STAT5A: variants seen among roughly 807,000 people sequenced by gnomAD.
STAT5A encodes epididymis secretory sperm binding protein.
STAT5A carries 26 observed loss-of-function variants against 100.2 expected under a neutral mutation model. That is an observed-to-expected ratio of 0.26 (90% CI 0.19 to 0.36). The LOEUF (loss-of-function observed/expected upper bound fraction) is 0.36, where lower values mean the gene tolerates loss of function less well. STAT5A is among the 10% of genes least tolerant of loss of function. STAT5A has a pLI of 1.00. For synonymous variants in STAT5A, 330 were observed against 424.3 expected (o/e 0.78, Z 2.73); for missense variants, 634 against 1,027.5 (o/e 0.62, Z 5.24).
In STAT5A at chr17:42,300,703, G is replaced by T; in HGVS notation, c.834-12G>T. 1 of 1,613,766 alleles carries T rather than the reference G, an allele frequency of 6.2e-7. No homozygotes were observed. The highest frequency in any genetic ancestry group is 8.5e-7 in the Non-Finnish European group (1 of 1,179,826). On this transcript the variant is annotated splice_polypyrimidine_tract_variant and intron_variant, in intron 7 of 18. Transcript: ENST00000590949. ...CCATTGTCCTCCTGTTGGCCTTGGG[G>T]CTCTCGTGCAGGTGTGAGAAGTTGG...
intron 2 of STAT5A, 33 bp from the exon 3 acceptor site, chr17:42,289,833 A>G: frequency 6.7e-7 from 1 of 1,484,224 alleles, no homozygotes; most frequent in Non-Finnish European, 9.0e-7. Context: ...AGGAGGTGCC[A>G]CAGTAGGTTT....
At position 42,308,347 on chromosome 17, in the gene STAT5A, C is replaced by T; in HGVS notation, c.2062+14C>T. The T allele has an allele frequency of 6.2e-7, 1 of 1,614,092 alleles. No individual in the cohort carries two copies. Among genetic ancestry groups the T allele is most frequent in the Non-Finnish European group, 8.5e-7 (1 of 1,180,002 alleles). On this transcript the variant is annotated intron_variant, in intron 16 of 18. Transcript: ENST00000590949. The surrounding 1 kb of genome is among the most constrained non-coding windows in gnomAD (Gnocchi z 4.6). ...CTCCTGTGCTGGGTGGGTACTGCCC[C>T]AGGACCCTGCCGGCTGACTCCCCCG...
In STAT5A at chr17:42,305,406, G is replaced by A. The variant is rs530410260; in HGVS notation, c.1381-204G>A. 3.6e-3 allele frequency among the ~76,000 whole-genome samples: 541 copies of A among 152,222 alleles called. 2 individuals carry two copies. Among genetic ancestry groups the A allele is most frequent in the Non-Finnish European group, 5.4e-3 (367 of 68,006 alleles). On this transcript the variant is annotated intron_variant, in intron 11 of 18. Coordinates refer to ENST00000590949, the MANE Select transcript of STAT5A (RefSeq NM_001288718.2). ...AATCCCAGCTACTTGGGAAGCTGAG[G>A]CAGGAGAATCGCTTGAACCCGGGAG... is the stretch of plus-strand genomic sequence containing the variant.
Position 42,289,454 on chromosome 17 carries a change from C to T in STAT5A, c.43C>T (p.Leu15=). The T allele has an allele frequency of 6.2e-7, 1 of 1,613,016 alleles. No homozygotes were observed. The highest frequency in any genetic ancestry group is 8.5e-7 in the Non-Finnish European group (1 of 1,179,894). ...GGCCCAGCAGCTGCAGGGAGACGCG[C>T]TGCGCCAGATGCAGGTGCTGTACGG... The part of the protein sequence containing the change: ...IQAQQLQGDA[L]RQMQVLYGQH... The change falls in exon 2 of 19, where the codon CTG becomes TTG. Residue 15 remains leucine, a synonymous_variant. Transcript: ENST00000590949.
Position 42,308,267 on chromosome 17 carries a change from C to A in STAT5A, c.1996C>A (p.Leu666Ile). 1 of 1,614,218 alleles carries A rather than the reference C, an allele frequency of 6.2e-7. No individual in the cohort carries two copies. The highest frequency in any genetic ancestry group is 8.5e-7 in the Non-Finnish European group (1 of 1,180,034). ...TGACCGGCTGGGGGACCTGAGCTAT[C>A]TCATCTATGTGTTTCCTGACCGCCC... ...LADRLGDLSY[L>I]IYVFPDRPKD... The change falls in exon 16 of 19, where the codon CTC (leucine) becomes ATC (isoleucine). Residue 666 changes from leucine (L) to isoleucine (I), a missense_variant. By Grantham distance (5) the Leu-to-Ile change is conservative. This residue lies in a region of STAT5A where 210 missense variants were observed against 428.4 expected (regional missense o/e 0.49). Coordinates refer to ENST00000590949, the MANE Select transcript of STAT5A (RefSeq NM_001288718.2). The surrounding 1 kb of genome is among the most constrained non-coding windows in gnomAD (Gnocchi z 4.6).
intron 8 of STAT5A, 46 bp from the exon 9 acceptor site, chr17:42,301,213 ACTGAGAGCCCTTTCCC>A: frequency 6.3e-7 from 1 of 1,575,708 alleles, no homozygotes; most frequent in Admixed American, 1.7e-5. Flanking sequence ...CCACAGAGGG[ACTGAGAGCCCTTTCCC>A]CTGCGCCAAC....
At position 42,304,822 on chromosome 17, in the gene STAT5A, TAAG is replaced by T. The variant is rs149013007; in HGVS notation, c.1380+177_1380+179del. ...AACCCAGACAATTTAGGCAATGGGC[TAAG>T]AAGAAGTCGGTTGTAGTTTTTGTTT... On this transcript the variant is annotated intron_variant, in intron 11 of 18. Coordinates refer to ENST00000590949, the MANE Select transcript of STAT5A (RefSeq NM_001288718.2). This position sits in a 1 kb window ranked among gnomAD's most constrained non-coding sequence, Gnocchi z 4.8. 3.0e-3 allele frequency among the ~76,000 whole-genome samples: 451 copies of T among 152,346 alleles called. 1 individual carries two copies. Among genetic ancestry groups the T allele is most frequent in the African/African-American group, 0.01 (416 of 41,586 alleles).
intron 4 of STAT5A, among the ~76,000 whole-genome samples, chr17:42,295,293 T>A (rs565300735): frequency 6.6e-6 from 1 of 152,200 alleles, no homozygotes; most frequent in Admixed American, 6.5e-5. Flanking sequence ...CGTGTTGAGT[T>A]CTAGTCCCTG....
At chr17:42,302,654 C>T (rs1422303818) in intron 9 of STAT5A, among the ~76,000 whole-genome samples, 1 of 152,230 alleles carries the variant, frequency 6.6e-6, no homozygotes, top group African/African-American at 2.4e-5. Context: ...TTTACTGAGG[C>T]TGGGCGAGGT....
Position 42,307,609 on chromosome 17 carries a change from G to A in STAT5A, c.1792G>A (p.Val598Met). 1 of 1,614,134 alleles carries A rather than the reference G, an allele frequency of 6.2e-7. No individual in the cohort carries two copies. Among genetic ancestry groups the A allele is most frequent in the Non-Finnish European group, 8.5e-7 (1 of 1,180,024 alleles). ...HWNDGAILGF[V>M]NKQQAHDLLI... ...TGCACCCAGGGCCATCCTAGGTTTT[G>A]TGAATAAGCAACAGGCCCACGACCT... is the stretch of plus-strand genomic sequence containing the variant. Residue 598 changes from valine (V) to methionine (M), a missense_variant, in exon 15 of 19, where the codon GTG (valine) becomes ATG (methionine). Val to Met is a conservative substitution (Grantham distance 21). Transcript: ENST00000590949.
At chr17:42,302,821 C>G (rs147848153) in intron 9 of STAT5A, among the ~76,000 whole-genome samples, 33 of 152,034 alleles carry the variant, frequency 2.2e-4, no homozygotes, top group African/African-American at 7.7e-4. Context: ...GTAGCTCCAG[C>G]TACTTGGACC....
At position 42,306,479 on chromosome 17, in the gene STAT5A, G is replaced by T. The variant is rs552383292; in HGVS notation, c.1680+32G>T. On this transcript the variant is annotated intron_variant, in intron 13 of 18. Coordinates refer to ENST00000590949, the MANE Select transcript of STAT5A (RefSeq NM_001288718.2). ...GGCCCAGCTGCCAGCCGCCCACCAG[G>T]GCCCACCGGGGTCTGTTGCTCCTCC... 17 of 1,585,850 alleles carry T rather than the reference G, an allele frequency of 1.1e-5. No individual in the cohort carries two copies. The East Asian group carries it at 3.9e-4, about 37-fold the overall frequency.
upstream of STAT5A, chr17:42,288,466 G>A (rs2080834471): frequency 6.5e-6 from 1 of 152,778 alleles, no homozygotes; most frequent in East Asian, 1.9e-4. This position sits in a 1 kb window ranked among gnomAD's most constrained non-coding sequence, Gnocchi z 4.8. Flanking sequence ...TGACCTTTGA[G>A]GAGGAAATCG....
chr17:42,299,675 C>T, intron 5 of STAT5A, 76 bp from the exon 6 acceptor site: 1 of 1,610,170 alleles, frequency 6.2e-7, no homozygotes, highest in Non-Finnish European at 8.5e-7. Flanking sequence ...CGCTCCAGAA[C>T]AGGTGAGTGG....
At chr17:42,300,097 C>T (rs1189785506) in intron 6 of STAT5A, 33 bp from the exon 7 acceptor site, 4 of 1,277,040 alleles carry the variant, frequency 3.1e-6, no homozygotes, top group East Asian at 2.5e-5. Context: ...TCTCTGGGAG[C>T]CCAGAAGGGG....
At chr17:42,296,004 G>A (rs1413289975) in intron 5 of STAT5A, among the ~76,000 whole-genome samples, 1 of 152,138 alleles carries the variant, frequency 6.6e-6, no homozygotes, top group Non-Finnish European at 1.5e-5. Context: ...CCTATGAAGT[G>A]AACAGTTGTG....
chr17:42,292,874 C>T (rs946925003), intron 4 of STAT5A, among the ~76,000 whole-genome samples: 6 of 152,110 alleles, frequency 3.9e-5, no homozygotes, highest in East Asian at 1.9e-4. Context: ...ATGATCCACC[C>T]GCCTCGGCCT....
intron 3 of STAT5A, 95 bp downstream of exon 3, chr17:42,290,117 A>G: frequency 4.3e-6 from 6 of 1,403,910 alleles, no homozygotes; most frequent in Non-Finnish European, 3.7e-6. Context: ...CCACTGACTC[A>G]CCATGTGACC....
In STAT5A at chr17:42,310,444, C is replaced by G; in HGVS notation, c.2223-63C>G. On this transcript the variant is annotated intron_variant, in intron 18 of 18. Transcript: ENST00000590949. ...GAGTGGAGAGCAGGCTGGAGGCTGTCCCCAGGGAGCTTGAGGCTGTGAGAC... is the reference window on the plus strand; with the variant it reads ...GAGTGGAGAGCAGGCTGGAGGCTGTGCCCAGGGAGCTTGAGGCTGTGAGAC... 1.9e-6 allele frequency: 3 copies of G among 1,581,720 alleles called. No individual in the cohort carries two copies. In the South Asian group the frequency reaches 3.3e-5, roughly 18 times the overall value.
Sources: allele counts gnomAD v4.1 joint callset (sites outside exome capture counted in the v4.1 genomes callset), GRCh38; gene constraint gnomAD v4.1.1; regional missense constraint gnomAD v4.1.1; non-coding constraint Gnocchi (gnomAD v3.1); transcripts MANE v1.5; gene names NCBI Gene and HGNC (gene_info 2026-07-23, HGNC 2026-07-21).